FHIT: variants seen among roughly 807,000 people sequenced by gnomAD.
FHIT encodes the protein fragile histidine triad diadenosine triphosphatase, also known as bis(5'-adenosyl)-triphosphatase.
Under a neutral mutation model 17.9 loss-of-function variants are expected in FHIT, and 19 were observed. The ratio of observed to expected loss-of-function variants is 1.06; its 90% confidence interval spans 0.74 to 1.56. The LOEUF (loss-of-function observed/expected upper bound fraction) is 1.56. FHIT is among the 40% of genes most tolerant of loss of function. The probability of loss-of-function intolerance (pLI) is 0.00; values close to 1 mark genes in which losing one functional copy is unlikely to be tolerated. For missense variants in FHIT, 248 were observed against 189.2 expected (o/e 1.31, Z -1.82); for synonymous variants, 81 against 69.7 (o/e 1.16, Z -0.81).
chr3:60,869,207 A>T (rs2107053646), intron 3 of FHIT, among the ~76,000 whole-genome samples: 1 of 152,276 alleles, frequency 6.6e-6, no homozygotes, highest in South Asian at 2.1e-4. Context: ...GATCAATTCT[A>T]ATTTTTGAGG....
At chr3:60,648,294 G>T (rs1444560089) in intron 4 of FHIT, among the ~76,000 whole-genome samples, 5 of 152,104 alleles carry the variant, frequency 3.3e-5, no homozygotes, top group African/African-American at 9.7e-5. Flanking sequence ...AAATCAATTG[G>T]CTTGGATTTT....
intron 8 of FHIT, among the ~76,000 whole-genome samples, chr3:59,913,030 C>T (rs1024111282): frequency 6.6e-6 from 1 of 152,142 alleles, no homozygotes; most frequent in Non-Finnish European, 1.5e-5. Context: ...TTAACAAAAA[C>T]TATAAAAAGG....
At chr3:60,008,675 G>A (rs964256247) in intron 7 of FHIT, among the ~76,000 whole-genome samples, 1 of 152,188 alleles carries the variant, frequency 6.6e-6, no homozygotes, top group Non-Finnish European at 1.5e-5. Flanking sequence ...AAGATGAAGA[G>A]AACAGTCACT....
chr3:61,205,054 G>A lies in FHIT; in HGVS notation c.-212-4389C>T, dbSNP rs1388447383. 2.1e-5 allele frequency among the ~76,000 whole-genome samples: 3 copies of A among 146,192 alleles called. No homozygotes were observed. The East Asian group carries it at 6.1e-4, about 30-fold the overall frequency. On this transcript the variant is annotated intron_variant, in intron 1 of 9. Transcript: ENST00000492590. ...TTCTCATTGTTCAATTCCCACCTAT[G>A]AGTGAGAACATGCGCTGTTTGGTGT...
At chr3:60,413,331 G>A (rs1450345706) in intron 5 of FHIT, among the ~76,000 whole-genome samples, 2 of 152,110 alleles carry the variant, frequency 1.3e-5, no homozygotes, top group Non-Finnish European at 2.9e-5. Flanking sequence ...GAGTTAGGGT[G>A]AGTAAGAGGG....
intron 4 of FHIT, among the ~76,000 whole-genome samples, chr3:60,658,440 C>T (rs906836272): frequency 6.6e-6 from 1 of 151,844 alleles, no homozygotes; most frequent in Admixed American, 6.6e-5. Flanking sequence ...TCTCATTTCC[C>T]CTTGTGTATA....
chr3:60,593,862 A>T (rs1553665277), intron 4 of FHIT, among the ~76,000 whole-genome samples: 1 of 152,058 alleles, frequency 6.6e-6, no homozygotes. Flanking sequence ...ATCAAATTCT[A>T]TTTCACAAAA....
intron 3 of FHIT, among the ~76,000 whole-genome samples, chr3:60,857,832 G>T (rs188542579): frequency 1.3e-5 from 2 of 152,126 alleles, no homozygotes; most frequent in African/African-American, 4.8e-5. Flanking sequence ...GGAGGCTGAG[G>T]CAGGAGGATC....
intron 5 of FHIT, among the ~76,000 whole-genome samples, chr3:60,084,504 A>G (rs150145561): frequency 2.7e-4 from 41 of 152,308 alleles, no homozygotes; most frequent in African/African-American, 9.4e-4. Context: ...ACATAATTAT[A>G]TAAGCTAAAA....
intron 3 of FHIT, among the ~76,000 whole-genome samples, chr3:60,884,367 T>C (rs988611434): frequency 1.1e-4 from 17 of 152,140 alleles, no homozygotes; most frequent in Admixed American, 3.3e-4. Flanking sequence ...GCTGGGTATA[T>C]ATCTGAAAGA....
intron 5 of FHIT, among the ~76,000 whole-genome samples, chr3:60,494,000 A>G (rs1215266796): frequency 6.6e-6 from 1 of 152,122 alleles, no homozygotes; most frequent in Non-Finnish European, 1.5e-5. Flanking sequence ...AAATTACAGA[A>G]TGTATCTTTG....
chr3:60,818,601 A>T (rs889375173), intron 4 of FHIT, among the ~76,000 whole-genome samples: 11 of 152,158 alleles, frequency 7.2e-5, no homozygotes, highest in Non-Finnish European at 2.9e-5. Context: ...TCTTAATATA[A>T]TGATTTACTA....
chr3:61,161,273 G>A (rs1236522785), intron 2 of FHIT, among the ~76,000 whole-genome samples: 1 of 151,636 alleles, frequency 6.6e-6, no homozygotes, highest in Non-Finnish European at 1.5e-5. Flanking sequence ...CGCAATCTCG[G>A]CTCACTGCAA....
At chr3:60,071,888 T>C (rs1452353520) in intron 5 of FHIT, among the ~76,000 whole-genome samples, 1 of 152,046 alleles carries the variant, frequency 6.6e-6, no homozygotes, top group Non-Finnish European at 1.5e-5. Context: ...TAAAGCGGAG[T>C]TCCCCTCTAC....
intron 4 of FHIT, among the ~76,000 whole-genome samples, chr3:60,751,287 G>A (rs79678084): frequency 0.035 from 5,324 of 152,340 alleles, 311 homozygotes; most frequent in African/African-American, 0.12. Context: ...CTGAGGAACA[G>A]AGAGGTGTTC....
intron 5 of FHIT, among the ~76,000 whole-genome samples, chr3:60,384,606 A>G (rs1223925044): frequency 6.6e-6 from 1 of 152,170 alleles, no homozygotes; most frequent in Non-Finnish European, 1.5e-5. Flanking sequence ...AGTCATGGAC[A>G]TAAACAAAAC....
chr3:61,225,287 T>G (rs2039941611), intron 1 of FHIT, among the ~76,000 whole-genome samples: 1 of 152,236 alleles, frequency 6.6e-6, no homozygotes. Context: ...TGTTTGTTAA[T>G]GCCTGGTTAT....
At chr3:60,608,992 T>TA (rs1553672331) in intron 4 of FHIT, among the ~76,000 whole-genome samples, 2 of 150,998 alleles carry the variant, frequency 1.3e-5, no homozygotes, top group Non-Finnish European at 2.9e-5. Flanking sequence ...ATTAAATATA[T>TA]GAATGCATAT....
intron 3 of FHIT, among the ~76,000 whole-genome samples, chr3:60,942,341 A>T (rs2107422325): frequency 6.6e-6 from 1 of 152,342 alleles, no homozygotes; most frequent in South Asian, 2.1e-4. Flanking sequence ...CAGAAGCCAG[A>T]CTTAACCTGG....
Sources: allele counts gnomAD v4.1 joint callset (sites outside exome capture counted in the v4.1 genomes callset), GRCh38; gene constraint gnomAD v4.1.1; transcripts MANE v1.5; gene names NCBI Gene and HGNC (gene_info 2026-07-23, HGNC 2026-07-21).